WDPCP: variants seen among roughly 807,000 people sequenced by gnomAD.
WDPCP encodes the protein WD repeat-containing and planar cell polarity effector protein fritz homolog.
In WDPCP, 71 loss-of-function variants were observed where a neutral mutation model predicts 93.1. That is an observed-to-expected ratio of 0.76 (90% CI 0.63 to 0.93). The LOEUF (loss-of-function observed/expected upper bound fraction) is 0.93, where lower values mean the gene tolerates loss of function less well. WDPCP is among the 40% of genes least tolerant of loss of function. WDPCP has a pLI of 0.00. For synonymous variants in WDPCP, 315 were observed against 315.0 expected (o/e 1.00, Z 0.00); for missense variants, 844 against 887.4 (o/e 0.95, Z 0.62).
chr2:63,523,081 C>T (rs1426968353), intron 1 of WDPCP, among the ~76,000 whole-genome samples: 1 of 152,142 alleles, frequency 6.6e-6, no homozygotes, highest in Non-Finnish European at 1.5e-5. Flanking sequence ...ACACAAAATC[C>T]AGCAGCACAT....
chr2:63,589,029 C>T (rs1168337606), upstream of WDPCP: 5 of 1,614,238 alleles, frequency 3.1e-6, no homozygotes, highest in Admixed American at 6.7e-5. Flanking sequence ...GAAATTGTCC[C>T]CGCAGTTTTC....
chr2:63,580,861 A>C (rs1020723901), intron 1 of WDPCP, among the ~76,000 whole-genome samples: 2 of 152,238 alleles, frequency 1.3e-5, no homozygotes, highest in Non-Finnish European at 2.9e-5. Flanking sequence ...TATTCACTGA[A>C]GAATATAGGA....
chr2:63,432,613 T>C (rs534758597), intron 9 of WDPCP, among the ~76,000 whole-genome samples: 1 of 152,248 alleles, frequency 6.6e-6, no homozygotes, highest in African/African-American at 2.4e-5. Flanking sequence ...ACATGGTTTA[T>C]GTAAGGAAAC....
chr2:63,170,860 G>A (rs374075010), intron 15 of WDPCP, among the ~76,000 whole-genome samples: 15 of 152,142 alleles, frequency 9.9e-5, no homozygotes, highest in East Asian at 1.9e-4. Flanking sequence ...TATATTCATC[G>A]AATAGACATA....
intron 3 of WDPCP, among the ~76,000 whole-genome samples, chr2:63,639,206 A>C (rs1218207740): frequency 6.6e-6 from 1 of 152,226 alleles, no homozygotes; most frequent in Admixed American, 6.5e-5. Context: ...ACTGCACTCC[A>C]GCCTGGGTGA....
chr2:63,729,340 A>T (rs557919514), intron 2 of WDPCP, among the ~76,000 whole-genome samples: 1 of 152,370 alleles, frequency 6.6e-6, no homozygotes, highest in East Asian at 1.9e-4. Context: ...AATGATAAAA[A>T]AAATATATTT....
chr2:63,573,499 A>G (rs531646437), intron 1 of WDPCP, among the ~76,000 whole-genome samples: 1 of 152,148 alleles, frequency 6.6e-6, no homozygotes, highest in Non-Finnish European at 1.5e-5. Context: ...CACTTCCCCA[A>G]TCAATACCCT....
rs753355464 is a variant in WDPCP, at chr2:63,404,684, C to T, written c.826-27G>A. 5.5e-5 allele frequency: 88 copies of T among 1,612,972 alleles called. No homozygotes were observed. The East Asian group carries it at 1.6e-3, about 29-fold the overall frequency. ...TGTTAAGAAATATATCAAGTACATT[C>T]AGATAAACTTTGGTTTTTCTTCAAC... On this transcript the variant is annotated intron_variant, in intron 9 of 17. Transcript: ENST00000272321.
At chr2:63,437,256 C>T (rs1395375078) in intron 8 of WDPCP, among the ~76,000 whole-genome samples, 165 bp downstream of exon 8, 1 of 151,980 alleles carries the variant, frequency 6.6e-6, no homozygotes, top group Admixed American at 6.6e-5. Context: ...TAAAAGAAAA[C>T]TTAGGATGGC....
intron 13 of WDPCP, among the ~76,000 whole-genome samples, chr2:63,279,042 A>G (rs1683303922): frequency 6.6e-6 from 1 of 152,214 alleles, no homozygotes; most frequent in African/African-American, 2.4e-5. Context: ...TTCACAGCTG[A>G]ATTCTATCAG....
rs1218762678 is a variant in WDPCP at position 63,460,304 on chromosome 2, T to C, written c.385-20433A>G. On this transcript the variant is annotated intron_variant, in intron 6 of 17. Coordinates refer to ENST00000272321, the MANE Select transcript of WDPCP (RefSeq NM_015910.7). ...AGCTTGACCTCATGGACATAGAGAA[T>C]AGAAGGCACAGATACCAAAGACTGG... 2.6e-5 allele frequency among the ~76,000 whole-genome samples: 4 copies of C among 151,942 alleles called. No homozygotes were observed. The East Asian group carries it at 7.7e-4, about 29-fold the overall frequency.
chr2:63,608,704 G>A (rs1282634635), intron 3 of WDPCP, among the ~76,000 whole-genome samples: 3 of 152,214 alleles, frequency 2.0e-5, no homozygotes, highest in East Asian at 1.9e-4. Context: ...CAGCTACTCC[G>A]GAAAGTAAGG....
chr2:63,332,948 C>A (rs1030348698), intron 12 of WDPCP, among the ~76,000 whole-genome samples: 1 of 152,076 alleles, frequency 6.6e-6, no homozygotes, highest in East Asian at 1.9e-4. Context: ...ATATCAAAAT[C>A]ATTAATGTTA....
chr2:63,635,517 A>T (rs752281493), intron 3 of WDPCP, among the ~76,000 whole-genome samples: 5 of 152,100 alleles, frequency 3.3e-5, no homozygotes, highest in Non-Finnish European at 5.9e-5. Flanking sequence ...AAAGAATCAA[A>T]CACCATAATC....
chr2:63,237,898 G>C (rs1323219204), intron 14 of WDPCP, among the ~76,000 whole-genome samples: 1 of 151,954 alleles, frequency 6.6e-6, no homozygotes, highest in African/African-American at 2.4e-5. Context: ...CTGGGTGACA[G>C]GGTCAATAGA....
At chr2:63,766,881 C>T (rs1253174001) in intron 2 of WDPCP, among the ~76,000 whole-genome samples, 2 of 152,090 alleles carry the variant, frequency 1.3e-5, no homozygotes, top group Non-Finnish European at 2.9e-5. Flanking sequence ...ACTCCATAGC[C>T]ATTAAACAAT....
chr2:63,620,429 C>CA (rs1488829614), intron 3 of WDPCP, among the ~76,000 whole-genome samples: 1 of 152,186 alleles, frequency 6.6e-6, no homozygotes. Context: ...GAGTAGAGCC[C>CA]ACTGCAGCTT....
intron 2 of WDPCP, among the ~76,000 whole-genome samples, chr2:63,491,318 T>C (rs904469660): frequency 4.6e-5 from 7 of 152,170 alleles, no homozygotes; most frequent in African/African-American, 1.7e-4. Flanking sequence ...TGATCCTTAG[T>C]TCTCTGTTTG....
chr2:63,593,290 C>G (rs1709237648), upstream of WDPCP: 1 of 220,440 alleles, frequency 4.5e-6, no homozygotes, highest in Admixed American at 4.7e-5. Flanking sequence ...GACGGGGTTT[C>G]TCCATATTGG....
Sources: gnomAD v4.1 joint callset for allele counts (sites outside exome capture counted in the v4.1 genomes callset) on GRCh38, gnomAD v4.1.1 for gene constraint, MANE v1.5 for transcripts, NCBI Gene and HGNC (gene_info 2026-07-23, HGNC 2026-07-21) for gene names.